The following ATP11C variants were observed in gnomAD, a reference collection of about 807,000 sequenced individuals.
ATP11C encodes ATPase phospholipid transporting 11C (ATP11C blood group).
In ATP11C, 36 loss-of-function variants were observed where a neutral mutation model predicts 97.4. That is an observed-to-expected ratio of 0.37 (90% CI 0.28 to 0.49). The LOEUF is 0.49. Among genes scored for constraint, ATP11C ranks in the 20% least tolerant of loss-of-function variants. The probability of loss-of-function intolerance (pLI) is 0.98; values close to 1 mark genes in which losing one functional copy is unlikely to be tolerated. For missense variants in ATP11C, 730 were observed against 824.6 expected (o/e 0.89, Z 1.40); for synonymous variants, 275 against 290.9 (o/e 0.95, Z 0.56).
intron 13 of ATP11C, 68 bp from the exon 14 acceptor site, chrX:139,788,411 G>A (rs1276810369): frequency 1.0e-5 from 10 of 959,728 alleles, no homozygotes; most frequent in African/African-American, 2.0e-5. Flanking sequence ...GGCAGTGAAC[G>A]GAGAAAATAT....
chrX:139,785,417 A>G, intron 15 of ATP11C, 118 bp from the exon 16 acceptor site: 1 of 475,805 alleles, frequency 2.1e-6, no homozygotes, highest in Non-Finnish European at 3.5e-6. Flanking sequence ...GGTTGTGTGC[A>G]CAACTGGTAC....
chrX:139,816,847 T>A lies in ATP11C; in HGVS notation c.318+16A>T, dbSNP rs745317791. On this transcript the variant is annotated intron_variant, in intron 4 of 29. Coordinates refer to ENST00000682941, the MANE Select transcript of ATP11C (RefSeq NM_001353812.2). ...CTGGACTGAAATGCAGGTGCAAGTG[T>A]AAATAAGAAATTTACCTGCTTGATG... is the stretch of plus-strand genomic sequence containing the variant. 1.1e-4 allele frequency: 124 copies of A among 1,150,454 alleles called. No homozygotes were observed. The highest frequency in any genetic ancestry group is 1.4e-4 in the Non-Finnish European group (118 of 846,059). 94.8% of individuals were successfully genotyped at this position (1,150,454 alleles called of 1,213,427 possible).
chrX:139,874,112 G>A (rs1482535297), intron 1 of ATP11C, among the ~76,000 whole-genome samples: 18 of 106,341 alleles, frequency 1.7e-4, no homozygotes, highest in East Asian at 2.9e-4. Flanking sequence ...GCACGATCTC[G>A]GCTCACTGCA....
chrX:139,768,446 A>G lies in ATP11C; in HGVS notation c.2217-12T>C. Reference sequence around the variant, plus strand: ...GTTCTGTCCATGCTCTGAAAAAGAGAAACAATGCTATGTTTGGATTTATTA... The same window carrying G: ...GTTCTGTCCATGCTCTGAAAAAGAGGAACAATGCTATGTTTGGATTTATTA... On this transcript the variant is annotated splice_polypyrimidine_tract_variant and intron_variant, in intron 19 of 29. Coordinates refer to ENST00000682941, the MANE Select transcript of ATP11C (RefSeq NM_001353812.2). 9.5e-7 allele frequency: 1 copy of G among 1,050,831 alleles called. No homozygotes were observed. The highest frequency in any genetic ancestry group is 3.4e-5 in the South Asian group (1 of 29,797). 86.6% of individuals were successfully genotyped at this position (1,050,831 alleles called of 1,213,427 possible). A position where few individuals can be genotyped will look rare whatever the true frequency, so the allele number is the denominator to read the frequency against.
rs182124291 is a variant in ATP11C at position 139,870,682 on chromosome X, C to A, written c.28-43859G>T. ...CTATTTATGAGTAGCTACGTAAATA[C>A]CCATATGAAATAATTTGTAATATAT... is the stretch of plus-strand genomic sequence containing the variant. On this transcript the variant is annotated intron_variant, in intron 1 of 29. Coordinates refer to ENST00000682941, the MANE Select transcript of ATP11C (RefSeq NM_001353812.2). 7.2e-3 allele frequency among the ~76,000 whole-genome samples: 808 copies of A among 112,241 alleles called. 8 individuals carry two copies. Among genetic ancestry groups the A allele is most frequent in the African/African-American group, 0.025 (762 of 30,969 alleles).
intron 1 of ATP11C, among the ~76,000 whole-genome samples, chrX:139,901,804 T>C (rs1014206142): frequency 1.8e-5 from 2 of 111,447 alleles, no homozygotes; most frequent in Admixed American, 9.5e-5. Context: ...AACTGAAACC[T>C]TGGTTGTCTA....
At chrX:139,888,156 T>C (rs1186216266) in intron 1 of ATP11C, among the ~76,000 whole-genome samples, 1 of 107,609 alleles carries the variant, frequency 9.3e-6, no homozygotes, top group Non-Finnish European at 1.9e-5. Flanking sequence ...TTTTTTTTGA[T>C]ACAGTCTCAC....
At position 139,831,536 on chromosome X, in the gene ATP11C, G is replaced by T. The variant is rs180706335; in HGVS notation, c.28-4713C>A. On this transcript the variant is annotated intron_variant, in intron 1 of 29. Transcript: ENST00000682941. Reference sequence around the variant, plus strand: ...CACTGAGCAGTTTAATTTCACCAGGGACAATCAATTCTAAGTATTCCCAAT... The same window carrying T: ...CACTGAGCAGTTTAATTTCACCAGGTACAATCAATTCTAAGTATTCCCAAT... 1.1e-4 allele frequency among the ~76,000 whole-genome samples: 12 copies of T among 111,056 alleles called. No homozygotes were observed. The East Asian group carries it at 2.6e-3, about 24-fold the overall frequency.
chrX:139,798,002 A>G (rs2082838032), intron 10 of ATP11C, among the ~76,000 whole-genome samples: 1 of 111,979 alleles, frequency 8.9e-6, no homozygotes, highest in African/African-American at 3.2e-5. Context: ...TAGCTATGTG[A>G]GCTTAGGTAA....
chrX:139,788,289 T>C lies in ATP11C; in HGVS notation c.1423A>G (p.Lys475Glu). The change falls in exon 14 of 30, where the codon AAA becomes GAA. Residue 475 changes from lysine to glutamate, a missense_variant. By Grantham distance (56) the Lys-to-Glu change is moderately conservative. Transcript: ENST00000682941. ...GCTCCATCAACAGCATCGTTTGTTT[T>C]GATTTCTACAGTATGACATAAACAC... ...ALCLCHTVEI[K>E]TNDAVDGATE... The C allele has an allele frequency of 8.3e-7, 1 of 1,208,762 alleles. No individual in the cohort carries two copies. Among genetic ancestry groups the C allele is most frequent in the Admixed American group, 2.2e-5 (1 of 46,009 alleles).
At chrX:139,757,453 T>C (rs2081959409) in intron 23 of ATP11C, among the ~76,000 whole-genome samples, 1 of 112,134 alleles carries the variant, frequency 8.9e-6, no homozygotes, top group Admixed American at 9.5e-5. Flanking sequence ...AGATTAATGC[T>C]TTTCTATAAA....
At chrX:139,913,039 G>A (rs2085101289) in intron 1 of ATP11C, among the ~76,000 whole-genome samples, 1 of 111,960 alleles carries the variant, frequency 8.9e-6, no homozygotes, top group Non-Finnish European at 1.9e-5. Context: ...ATTACCACTT[G>A]TTCTCAAGTA....
chrX:139,830,701 A>T (rs1317629817), intron 1 of ATP11C, among the ~76,000 whole-genome samples: 1 of 112,078 alleles, frequency 8.9e-6, no homozygotes, highest in African/African-American at 3.2e-5. Flanking sequence ...GAACAAAAAA[A>T]TTTCTTATTA....
chrX:139,757,116 A>C (rs1344119388), intron 23 of ATP11C, among the ~76,000 whole-genome samples: 1 of 111,137 alleles, frequency 9.0e-6, no homozygotes, highest in Non-Finnish European at 1.9e-5. Context: ...GAAATTTAGA[A>C]ACTTAACACC....
At chrX:139,876,368 T>C (rs1569484368) in intron 1 of ATP11C, among the ~76,000 whole-genome samples, 1 of 112,206 alleles carries the variant, frequency 8.9e-6, no homozygotes, top group African/African-American at 3.2e-5. Context: ...GTTTGTCAAG[T>C]ACCCTTTCCA....
chrX:139,798,641 G>T, intron 9 of ATP11C, 38 bp downstream of exon 9: 1 of 1,046,836 alleles, frequency 9.6e-7, no homozygotes, highest in South Asian at 2.0e-5. Context: ...CCTTTACAAA[G>T]CATATTTTTT....
At chrX:139,736,547 A>C (rs187552680) in intron 28 of ATP11C, among the ~76,000 whole-genome samples, 1 of 111,821 alleles carries the variant, frequency 8.9e-6, no homozygotes, top group African/African-American at 3.2e-5. Flanking sequence ...ATTTGGTTTC[A>C]TGCAAATTGC....
chrX:139,760,348 A>G (rs925456667), intron 22 of ATP11C, among the ~76,000 whole-genome samples: 1 of 111,965 alleles, frequency 8.9e-6, no homozygotes, highest in Non-Finnish European at 1.9e-5. Context: ...TGGCCTGGCT[A>G]CCAGCAGATA....
At position 139,745,756 on chromosome X, in the gene ATP11C, A is replaced by G; in HGVS notation, c.2930T>C (p.Leu977Pro). The change falls in exon 25 of 30, where the codon CTT (leucine) becomes CCT (proline). Residue 977 changes from leucine (L) to proline (P), a missense_variant. Coordinates refer to ENST00000682941, the MANE Select transcript of ATP11C (RefSeq NM_001353812.2). ...TTCTTCTAGGGATGCAGTCTGAAAA[A>G]GAAAGTAAGTCCCAAAGAAGAACAC... ...GTVFFFGTYFLFQTASLEENG... is the reference protein window; with the variant it reads ...GTVFFFGTYFPFQTASLEENG... 1 of 1,207,997 alleles carries G rather than the reference A, an allele frequency of 8.3e-7. No homozygotes were observed. Among genetic ancestry groups the G allele is most frequent in the Non-Finnish European group, 1.1e-6 (1 of 893,656 alleles).
Sources: allele counts gnomAD v4.1 joint callset (sites outside exome capture counted in the v4.1 genomes callset), GRCh38; gene constraint gnomAD v4.1.1; transcripts MANE v1.5; gene names NCBI Gene and HGNC (gene_info 2026-07-23, HGNC 2026-07-21).